The following CDH13 variants were observed in gnomAD, a reference collection of about 807,000 sequenced individuals.
The protein encoded by CDH13 is cadherin-13.
In CDH13, 24 loss-of-function variants were observed where a neutral mutation model predicts 63.8. The observed-to-expected ratio is 0.38, with a 90% CI of 0.27 to 0.53. CDH13 has a LOEUF of 0.53. Among genes scored for constraint, CDH13 ranks in the 20% least tolerant of loss-of-function variants. CDH13 has a pLI of 0.85. For missense variants in CDH13, 1,049 were observed against 903.1 expected, an observed-to-expected ratio of 1.16 and a Z score of -2.07; for synonymous variants, 503 against 355.3, an observed-to-expected ratio of 1.42 and a Z score of -4.67.
At chr16:83,592,079 G>A (rs1029433614) in intron 7 of CDH13, among the ~76,000 whole-genome samples, 1 of 152,088 alleles carries the variant, frequency 6.6e-6, no homozygotes, top group East Asian at 1.9e-4. Context: ...TAATTCCACA[G>A]AACTCTGTGC....
intron 1 of CDH13, among the ~76,000 whole-genome samples, chr16:82,753,399 G>C (rs902355210): frequency 6.6e-6 from 1 of 151,882 alleles, no homozygotes; most frequent in African/African-American, 2.4e-5. Context: ...CCCTAACTGG[G>C]GGCTTTCTAC....
intron 6 of CDH13, among the ~76,000 whole-genome samples, chr16:83,396,411 C>G (rs1366531599): frequency 6.6e-6 from 1 of 152,170 alleles, no homozygotes; most frequent in Non-Finnish European, 1.5e-5. Flanking sequence ...TCATGTAATT[C>G]TATCCTCTCA....
intron 10 of CDH13, among the ~76,000 whole-genome samples, chr16:83,694,012 A>G (rs896055792): frequency 7.9e-5 from 12 of 152,238 alleles, no homozygotes; most frequent in South Asian, 2.1e-4. Context: ...CTAGTCCACT[A>G]TCTGTCAGGA....
intron 3 of CDH13, among the ~76,000 whole-genome samples, chr16:83,037,234 C>G (rs1916941500): frequency 6.6e-6 from 1 of 152,198 alleles, no homozygotes; most frequent in Non-Finnish European, 1.5e-5. Context: ...ATTTCTAATT[C>G]TCACAACCTC....
intron 8 of CDH13, among the ~76,000 whole-genome samples, chr16:83,622,042 A>G (rs1909864938): frequency 6.6e-6 from 1 of 152,218 alleles, no homozygotes; most frequent in African/African-American, 2.4e-5. Flanking sequence ...TGAGCAAAGA[A>G]TAGATAAAAA....
In CDH13 at chr16:83,586,243, T is replaced by A. The variant is rs115011697; in HGVS notation, c.961-16211T>A. On this transcript the variant is annotated intron_variant, in intron 7 of 13. Coordinates refer to ENST00000567109, the MANE Select transcript of CDH13 (RefSeq NM_001257.5). ...GGGAGCGTGATGCACACAGGTGTGC[T>A]TGCACCCACGGCTGAGGTTTTTCTT... 7.3e-3 allele frequency among the ~76,000 whole-genome samples: 1,110 copies of A among 152,234 alleles called. 16 individuals carry two copies. The highest frequency in any genetic ancestry group is 0.025 in the African/African-American group (1,045 of 41,534).
chr16:83,681,729 C>T (rs921102808), intron 10 of CDH13, among the ~76,000 whole-genome samples: 8 of 152,308 alleles, frequency 5.3e-5, no homozygotes, highest in South Asian at 2.1e-4. Context: ...GCCTTTGATC[C>T]TGCACACTGA....
chr16:82,939,944 C>G (rs892666415), intron 2 of CDH13, among the ~76,000 whole-genome samples: 5 of 152,282 alleles, frequency 3.3e-5, no homozygotes, highest in African/African-American at 1.2e-4. Context: ...CCCTCACAAT[C>G]ATGGTGGAAG....
chr16:83,267,197 A>C (rs1446636030), intron 5 of CDH13, among the ~76,000 whole-genome samples: 4 of 152,230 alleles, frequency 2.6e-5, no homozygotes, highest in African/African-American at 9.6e-5. Flanking sequence ...TTGTAAACAA[A>C]GAGGAAAATT....
intron 2 of CDH13, among the ~76,000 whole-genome samples, chr16:82,935,569 A>G (rs946947131): frequency 6.6e-6 from 1 of 152,216 alleles, no homozygotes; most frequent in African/African-American, 2.4e-5. Context: ...TACCTTGGAA[A>G]TCATTTCAGA....
At chr16:83,728,181 T>C (rs946254856) in intron 10 of CDH13, among the ~76,000 whole-genome samples, 5 of 152,112 alleles carry the variant, frequency 3.3e-5, no homozygotes, top group East Asian at 1.9e-4. Flanking sequence ...TGTCTCAGAG[T>C]CTATCCTCGA....
In CDH13 at chr16:82,960,460, G is replaced by A. The variant is rs966262977; in HGVS notation, c.158-71550G>A. On this transcript the variant is annotated intron_variant, in intron 2 of 13. Coordinates refer to ENST00000567109, the MANE Select transcript of CDH13 (RefSeq NM_001257.5). ...CTTGAGTGGGTGGTTAGAAATAAGA[G>A]TCTGGAGCCAAGGGGAGATGTGGGA... is the stretch of plus-strand genomic sequence containing the variant. 2.6e-5 allele frequency among the ~76,000 whole-genome samples: 4 copies of A among 152,280 alleles called. No individual in the cohort carries two copies. In the East Asian group the frequency reaches 7.7e-4, roughly 29 times the overall value.
At chr16:83,142,760 A>G (rs1372034781) in intron 4 of CDH13, among the ~76,000 whole-genome samples, 25 of 150,358 alleles carry the variant, frequency 1.7e-4, no homozygotes, top group Admixed American at 1.6e-3. Context: ...TTTTGACTGA[A>G]TGAATGGTCA....
chr16:83,717,038 G>A (rs1415861075), intron 10 of CDH13: 2 of 153,574 alleles, frequency 1.3e-5, no homozygotes, highest in Non-Finnish European at 2.9e-5. Context: ...GTTGAGGTCA[G>A]GAGTTCAAGA....
At chr16:82,810,348 G>C (rs1352521507) in intron 1 of CDH13, among the ~76,000 whole-genome samples, 1 of 152,154 alleles carries the variant, frequency 6.6e-6, no homozygotes, top group East Asian at 1.9e-4. Context: ...AACAGAAGGA[G>C]GAGATGAGAG....
At chr16:82,999,870 A>G (rs72794146) in intron 2 of CDH13, among the ~76,000 whole-genome samples, 24,504 of 152,000 alleles carry the variant, frequency 0.16, 2,370 homozygotes, top group African/African-American at 0.26. Flanking sequence ...AGTGTGCACC[A>G]GTAGCTCTAA....
chr16:83,074,044 T>C (rs910644111), intron 3 of CDH13, among the ~76,000 whole-genome samples: 5 of 152,168 alleles, frequency 3.3e-5, no homozygotes, highest in Non-Finnish European at 5.9e-5. Context: ...TACATTGGTG[T>C]GAGCTGTAGT....
intron 5 of CDH13, among the ~76,000 whole-genome samples, chr16:83,314,288 AT>A (rs5818438): frequency 4.0e-5 from 6 of 151,588 alleles, no homozygotes; most frequent in African/African-American, 7.3e-5. Flanking sequence ...CAAAAATGTG[AT>A]TTTTTTTTCT....
intron 2 of CDH13, among the ~76,000 whole-genome samples, chr16:82,903,719 C>G (rs1007467472): frequency 1.2e-4 from 18 of 152,032 alleles, no homozygotes; most frequent in Non-Finnish European, 2.4e-4. Context: ...GAAAAGGGAA[C>G]ATATATGTTA....
Sources: allele counts gnomAD v4.1 joint callset (sites outside exome capture counted in the v4.1 genomes callset), GRCh38; gene constraint gnomAD v4.1.1; transcripts MANE v1.5; gene names NCBI Gene and HGNC (gene_info 2026-07-23, HGNC 2026-07-21).